The following PRMT8 variants were observed in gnomAD, a reference collection of about 807,000 sequenced individuals.
PRMT8 encodes protein arginine N-methyltransferase 8.
PRMT8 carries 7 observed loss-of-function variants against 47.1 expected under a neutral mutation model. The ratio of observed to expected loss-of-function variants is 0.15; its 90% CI spans 0.08 to 0.28. The LOEUF is 0.28. Ranked by LOEUF, PRMT8 falls within the 10% of genes least tolerant of loss-of-function variation. The pLI is 1.00. For synonymous variants in PRMT8, 188 were observed against 186.5 expected (o/e 1.01, Z -0.07); for missense variants, 237 against 505.4 (o/e 0.47, Z 5.09).
At chr12:3,437,651 T>C (rs77822288) in intron 1 of PRMT8, among the ~76,000 whole-genome samples, 1 of 146,708 alleles carries the variant, frequency 6.8e-6, no homozygotes, top group East Asian at 2.0e-4. Context: ...TATATATATA[T>C]TGCATTCAGC....
intron 1 of PRMT8, among the ~76,000 whole-genome samples, chr12:3,412,135 C>T (rs1470128851): frequency 2.0e-5 from 3 of 152,242 alleles, no homozygotes; most frequent in Non-Finnish European, 4.4e-5. Flanking sequence ...TAGGCTATCC[C>T]TACTGCTCCT....
chr12:3,416,793 T>C (rs1232074585), intron 1 of PRMT8, among the ~76,000 whole-genome samples: 2 of 152,206 alleles, frequency 1.3e-5, no homozygotes, highest in Non-Finnish European at 2.9e-5. Context: ...GAGGAAGCAC[T>C]GTAGTGGAAA....
intron 1 of PRMT8, among the ~76,000 whole-genome samples, chr12:3,507,063 G>T (rs1325934167): frequency 6.6e-6 from 1 of 151,260 alleles, no homozygotes; most frequent in Non-Finnish European, 1.5e-5. Flanking sequence ...GGCCCCATTT[G>T]TCACTGTATT....
chr12:3,392,025 G>C (rs980708538), intron 1 of PRMT8, among the ~76,000 whole-genome samples: 1 of 152,096 alleles, frequency 6.6e-6, no homozygotes, highest in East Asian at 1.9e-4. Flanking sequence ...CAAAGGGTTG[G>C]AGGCATGAAA....
chr12:3,489,021 C>G (rs966537914), upstream of PRMT8, among the ~76,000 whole-genome samples: 4 of 152,282 alleles, frequency 2.6e-5, no homozygotes, highest in Middle Eastern at 3.4e-3. Context: ...CTCCTGTACT[C>G]CAGCCTTTAT....
intron 1 of PRMT8, among the ~76,000 whole-genome samples, chr12:3,483,716 T>A (rs763129414): frequency 6.6e-6 from 1 of 152,226 alleles, no homozygotes; most frequent in Non-Finnish European, 1.5e-5. Context: ...CAAGAATTGA[T>A]AGACAGGTAG....
At chr12:3,531,914 G>A (rs1866037189) in intron 1 of PRMT8, among the ~76,000 whole-genome samples, 1 of 152,184 alleles carries the variant, frequency 6.6e-6, no homozygotes, top group Non-Finnish European at 1.5e-5. Context: ...TGAGAGCTAT[G>A]GCAGAGCTCA....
upstream of PRMT8, among the ~76,000 whole-genome samples, chr12:3,489,355 T>A (rs917060513): frequency 1.3e-5 from 2 of 151,738 alleles, no homozygotes; most frequent in Admixed American, 1.3e-4. Context: ...AGAAGCAGTG[T>A]TGGGTGGGGG....
intron 1 of PRMT8, among the ~76,000 whole-genome samples, chr12:3,447,922 T>C (rs879769939): frequency 6.6e-6 from 1 of 152,194 alleles, no homozygotes; most frequent in Non-Finnish European, 1.5e-5. Flanking sequence ...CAGGGAGGCT[T>C]AGCACACTGA....
chr12:3,515,421 C>T (rs1038483958), intron 1 of PRMT8, among the ~76,000 whole-genome samples: 14 of 152,124 alleles, frequency 9.2e-5, no homozygotes, highest in Admixed American at 2.0e-4. Flanking sequence ...TGCTAAATGA[C>T]GAGTTAATGG....
intron 1 of PRMT8, among the ~76,000 whole-genome samples, chr12:3,415,566 T>C (rs1864475384): frequency 6.6e-6 from 1 of 152,212 alleles, no homozygotes; most frequent in African/African-American, 2.4e-5. Context: ...TCCAGGATTT[T>C]AGGAATTGCA....
At position 3,564,502 on chromosome 12, in the gene PRMT8, G is replaced by A. The variant is rs550766748; in HGVS notation, c.482-4204G>A. ...CAAAACCATTTTTAAAAATCTGGAT[G>A]TCTCACTTACAAACTTGAAGCTACA... On this transcript the variant is annotated intron_variant, in intron 4 of 9. Transcript: ENST00000382622. The surrounding 1 kb of genome is among the most constrained non-coding windows in gnomAD (Gnocchi z 4.0). Among the ~76,000 whole-genome samples, 1 of 152,346 alleles carries A rather than the reference G, an allele frequency of 6.6e-6. No individual in the cohort carries two copies. The highest frequency in any genetic ancestry group is 2.4e-5 in the African/African-American group (1 of 41,570).
chr12:3,458,170 G>T (rs1224527450), intron 1 of PRMT8, among the ~76,000 whole-genome samples: 1 of 152,210 alleles, frequency 6.6e-6, no homozygotes, highest in African/African-American at 2.4e-5. Flanking sequence ...ATTCAGCAGT[G>T]TTTTAATCGT....
At chr12:3,433,685 C>T (rs923479336) in intron 1 of PRMT8, among the ~76,000 whole-genome samples, 2 of 152,126 alleles carry the variant, frequency 1.3e-5, no homozygotes, top group African/African-American at 4.8e-5. Flanking sequence ...GATCTCGGCT[C>T]ACTGCAACCT....
At chr12:3,392,362 T>TC (rs1235905507) in intron 1 of PRMT8, among the ~76,000 whole-genome samples, 1 of 68,958 alleles carries the variant, frequency 1.5e-5, no homozygotes, top group East Asian at 5.2e-4. Flanking sequence ...CCCTCCCCCC[T>TC]CCCCCCACCC....
intron 1 of PRMT8, among the ~76,000 whole-genome samples, chr12:3,414,075 A>G (rs1378198802): frequency 1.3e-5 from 2 of 152,200 alleles, no homozygotes; most frequent in South Asian, 2.1e-4. Context: ...AATATAGGTG[A>G]GTTACTCATT....
intron 1 of PRMT8, among the ~76,000 whole-genome samples, chr12:3,416,797 G>C (rs1864487949): frequency 6.6e-6 from 1 of 152,254 alleles, no homozygotes; most frequent in African/African-American, 2.4e-5. Flanking sequence ...AAGCACTGTA[G>C]TGGAAACCCA....
At chr12:3,490,712 AGAGAGAG>A (rs780628883), upstream of PRMT8, among the ~76,000 whole-genome samples, 1 of 140,648 alleles carries the variant, frequency 7.1e-6, no homozygotes, top group Non-Finnish European at 1.6e-5. Flanking sequence ...AGAGAGAGAG[AGAGAGAG>A]AAAAGGATAA....
At position 3,397,502 on chromosome 12, in the gene PRMT8, T is replaced by G. The variant is rs548957601; in HGVS notation, c.48+16060T>G. ...GTGTCAGTCTGCCCCTGCTGGGGGG[T>G]GCCTCCCAGTTAGGCTGCTCGGGGG... On this transcript the variant is annotated intron_variant, in intron 1 of 9. Coordinates refer to the PRMT8 transcript ENST00000452611. Among the ~76,000 whole-genome samples the G allele has an allele frequency of 8.6e-5, 13 of 150,658 alleles. 1 individual carries two copies. Among genetic ancestry groups the G allele is most frequent in the African/African-American group, 1.2e-4 (5 of 40,906 alleles).
Sources: allele counts gnomAD v4.1 joint callset (sites outside exome capture counted in the v4.1 genomes callset), GRCh38; gene constraint gnomAD v4.1.1; non-coding constraint Gnocchi (gnomAD v3.1); transcripts MANE v1.5; gene names NCBI Gene and HGNC (gene_info 2026-07-23, HGNC 2026-07-21).